The following GNG7 variants were observed in gnomAD, a reference collection of about 807,000 sequenced individuals.
GNG7 encodes the protein G protein subunit gamma 7.
A neutral mutation model predicts 4.0 loss-of-function variants in GNG7; 1 was observed. The observed-to-expected ratio is 0.25, with a 90% CI of 0.09 to 1.18. The LOEUF is 1.18. Ranked by LOEUF, GNG7 falls within the 50% of genes most tolerant of loss-of-function variation. The pLI, the probability that GNG7 is intolerant of heterozygous loss-of-function variation, is 0.50. For missense variants in GNG7, 86 were observed against 91.9 expected (o/e 0.94, Z 0.26); for synonymous variants, 34 against 36.9 (o/e 0.92, Z 0.29).
At chr19:2,667,679 C>T (rs991476343) in intron 1 of GNG7, among the ~76,000 whole-genome samples, 79 of 152,220 alleles carry the variant, frequency 5.2e-4, no homozygotes, top group African/African-American at 1.6e-3. Context: ...CTTTGGGAGG[C>T]GGAGGCAGGC....
intron 1 of GNG7, among the ~76,000 whole-genome samples, chr19:2,675,404 A>T (rs1438851084): frequency 1.3e-5 from 2 of 152,180 alleles, no homozygotes; most frequent in African/African-American, 4.8e-5. Context: ...GGTGTGACCC[A>T]CCAAAAATCT....
rs2144837967 is a variant in GNG7 at position 2,626,498 on chromosome 19, C to T, written c.-78+19726G>A. ...CGGCCTCCTCACTCCCTCCCTCTCACCTTTTCAAGGTCCTGGAACCATCTC... is the reference window on the plus strand; with the variant it reads ...CGGCCTCCTCACTCCCTCCCTCTCATCTTTTCAAGGTCCTGGAACCATCTC... On this transcript the variant is annotated intron_variant, in intron 2 of 4. Coordinates refer to ENST00000382159, the MANE Select transcript of GNG7 (RefSeq NM_052847.3). The surrounding 1 kb of genome is among the most constrained non-coding windows in gnomAD (Gnocchi z 5.0). Among the ~76,000 whole-genome samples, 1 of 152,292 alleles carries T rather than the reference C, an allele frequency of 6.6e-6. No individual in the cohort carries two copies. The highest frequency in any genetic ancestry group is 2.1e-4 in the South Asian group (1 of 4,826).
At chr19:2,542,725 A>G (rs1000690369) in intron 3 of GNG7, among the ~76,000 whole-genome samples, 2 of 152,060 alleles carry the variant, frequency 1.3e-5, no homozygotes, top group East Asian at 3.9e-4. Context: ...CAAGGCCAGG[A>G]TGGGACTGGT....
At chr19:2,594,108 C>T (rs749616509) in intron 2 of GNG7, among the ~76,000 whole-genome samples, 36 of 152,194 alleles carry the variant, frequency 2.4e-4, no homozygotes, top group African/African-American at 7.7e-4. Context: ...CAGTGGCTCA[C>T]GCCTGTAATC....
At chr19:2,517,143 T>G (rs1201459452) in intron 4 of GNG7, 7 of 152,194 alleles carry the variant, frequency 4.6e-5, no homozygotes, top group Non-Finnish European at 7.3e-5. Context: ...GAGGGGATGA[T>G]CCGAGAAGGA....
At chr19:2,690,574 T>G (rs899895776) in intron 1 of GNG7, among the ~76,000 whole-genome samples, 1 of 152,058 alleles carries the variant, frequency 6.6e-6, no homozygotes, top group Non-Finnish European at 1.5e-5. Context: ...GTTTTTCTAT[T>G]TCAACCTGTT....
intron 2 of GNG7, among the ~76,000 whole-genome samples, chr19:2,579,093 C>A (rs1362805657): frequency 6.6e-6 from 1 of 152,266 alleles, no homozygotes; most frequent in East Asian, 1.9e-4. Flanking sequence ...TGGCAGCCCG[C>A]CCCGCCGGTG....
At chr19:2,604,823 G>T (rs1188469650) in intron 2 of GNG7, among the ~76,000 whole-genome samples, 2 of 152,168 alleles carry the variant, frequency 1.3e-5, no homozygotes, top group Non-Finnish European at 2.9e-5. Context: ...TGGCGAGAAG[G>T]AAACAATCCA....
intron 1 of GNG7, among the ~76,000 whole-genome samples, chr19:2,662,216 C>G (rs1014526985): frequency 6.9e-6 from 1 of 144,834 alleles, no homozygotes; most frequent in Non-Finnish European, 1.5e-5. Context: ...GCAGAGATTG[C>G]ACCATTGCAC....
At chr19:2,543,737 A>G (rs1041628512) in intron 3 of GNG7, among the ~76,000 whole-genome samples, 2 of 152,148 alleles carry the variant, frequency 1.3e-5, no homozygotes, top group African/African-American at 4.8e-5. Flanking sequence ...GCTTCCAGGC[A>G]GCTCCACAAT....
intron 2 of GNG7, among the ~76,000 whole-genome samples, chr19:2,616,727 C>A (rs1293390517): frequency 1.3e-5 from 2 of 151,884 alleles, no homozygotes; most frequent in African/African-American, 2.4e-5. Context: ...TTGCAGTGAG[C>A]CGAGATCACG....
At chr19:2,567,589 G>A (rs1979962423) in intron 2 of GNG7, among the ~76,000 whole-genome samples, 1 of 152,124 alleles carries the variant, frequency 6.6e-6, no homozygotes, top group East Asian at 1.9e-4. Flanking sequence ...GCCTCCCAAA[G>A]TGCTGGGATT....
At chr19:2,700,394 C>T (rs1272231924) in intron 1 of GNG7, among the ~76,000 whole-genome samples, 1 of 152,174 alleles carries the variant, frequency 6.6e-6, no homozygotes, top group Admixed American at 6.5e-5. Flanking sequence ...CCACCCGCCT[C>T]GGCCTCCCAA....
chr19:2,613,910 G>A (rs1191263003), intron 2 of GNG7, among the ~76,000 whole-genome samples: 1 of 152,236 alleles, frequency 6.6e-6, no homozygotes, highest in Non-Finnish European at 1.5e-5. Flanking sequence ...CTGCAGCAGT[G>A]TGTGGATCCT....
intron 1 of GNG7, among the ~76,000 whole-genome samples, chr19:2,696,346 G>GAAAGAAAGA (rs1230816600): frequency 4.8e-5 from 5 of 104,406 alleles, no homozygotes; most frequent in African/African-American, 1.8e-4. Flanking sequence ...AAGAAAGAAA[G>GAAAGAAAGA]AAAAGAAAGA....
chr19:2,555,908 A>AGG (rs35769339), intron 2 of GNG7, among the ~76,000 whole-genome samples: 2 of 151,560 alleles, frequency 1.3e-5, no homozygotes, highest in African/African-American at 4.9e-5. Context: ...ACGGATCGCG[A>AGG]GGGGGGGCCC....
chr19:2,647,792 C>T (rs1271254905), intron 1 of GNG7, among the ~76,000 whole-genome samples: 2 of 152,022 alleles, frequency 1.3e-5, no homozygotes, highest in Non-Finnish European at 2.9e-5. Flanking sequence ...CTTTGGGGGG[C>T]CGAGGTGGGA....
At chr19:2,524,213 G>A (rs963884466) in intron 3 of GNG7, among the ~76,000 whole-genome samples, 7 of 152,230 alleles carry the variant, frequency 4.6e-5, no homozygotes, top group African/African-American at 1.4e-4. Flanking sequence ...ATTTCCATGT[G>A]AGCATCAGGT....
At chr19:2,584,590 T>A in intron 2 of GNG7, among the ~76,000 whole-genome samples, 1 of 124,188 alleles carries the variant, frequency 8.1e-6, no homozygotes, top group Non-Finnish European at 1.6e-5. Context: ...GGGCAGACCC[T>A]GCCTTAAAAA....
Sources: allele counts gnomAD v4.1 joint callset (sites outside exome capture counted in the v4.1 genomes callset), GRCh38; gene constraint gnomAD v4.1.1; non-coding constraint Gnocchi (gnomAD v3.1); transcripts MANE v1.5; gene names NCBI Gene and HGNC (gene_info 2026-07-23, HGNC 2026-07-21).